LPP: variants seen among roughly 807,000 people sequenced by gnomAD.
The protein encoded by LPP is LIM domain containing preferred translocation partner in lipoma.
LPP carries 38 observed loss-of-function variants against 60.4 expected under a neutral mutation model. The observed-to-expected ratio is 0.63, with a 90% confidence interval of 0.49 to 0.83. LPP has a LOEUF of 0.83. Ranked by LOEUF, LPP falls within the 40% of genes least tolerant of loss-of-function variation. LPP has a pLI of 0.00. For missense variants in LPP, 902 were observed against 783.6 expected (o/e 1.15, Z -1.80); for synonymous variants, 328 against 290.8 (o/e 1.13, Z -1.30).
intron 7 of LPP, among the ~76,000 whole-genome samples, chr3:188,674,350 T>A (rs1052936648): frequency 2.0e-5 from 3 of 152,202 alleles, no homozygotes; most frequent in Admixed American, 6.5e-5. Context: ...TTTTTACCAT[T>A]TTGTGCCTAA....
intron 7 of LPP, among the ~76,000 whole-genome samples, chr3:188,654,576 T>C (rs1852760094): frequency 6.6e-6 from 1 of 152,182 alleles, no homozygotes; most frequent in Non-Finnish European, 1.5e-5. Context: ...ATACTCCACA[T>C]ATCTCCACAA....
intron 8 of LPP, among the ~76,000 whole-genome samples, chr3:188,730,743 G>A (rs1720149576): frequency 6.6e-6 from 1 of 152,202 alleles, no homozygotes; most frequent in Admixed American, 6.5e-5. Flanking sequence ...TGTTCAACAT[G>A]AGTCTCATCT....
At chr3:188,598,933 AC>A (rs1342432320) in intron 6 of LPP, among the ~76,000 whole-genome samples, 1 of 152,020 alleles carries the variant, frequency 6.6e-6, no homozygotes. Flanking sequence ...TTTTCACTAA[AC>A]CCCTGGCCTG....
chr3:188,510,567 C>T (rs2150013315), intron 5 of LPP, among the ~76,000 whole-genome samples: 1 of 152,262 alleles, frequency 6.6e-6, no homozygotes, highest in Non-Finnish European at 1.5e-5. Flanking sequence ...TTACCCCTGC[C>T]CACTCTCTCC....
At chr3:188,377,473 T>C (rs903868189) in intron 3 of LPP, among the ~76,000 whole-genome samples, 1 of 152,232 alleles carries the variant, frequency 6.6e-6, no homozygotes, top group South Asian at 2.1e-4. Flanking sequence ...CCATCACTTA[T>C]ACCCTTTCTT....
chr3:188,273,348 G>A (rs1323880468), intron 2 of LPP, among the ~76,000 whole-genome samples: 2 of 152,184 alleles, frequency 1.3e-5, no homozygotes, highest in Admixed American at 6.5e-5. Flanking sequence ...ATTTGTACGT[G>A]TGTACTTTCA....
intron 6 of LPP, among the ~76,000 whole-genome samples, chr3:188,564,696 C>G (rs561316325): frequency 2.6e-5 from 4 of 151,804 alleles, no homozygotes; most frequent in Non-Finnish European, 5.9e-5. Context: ...GTCCAAAAAC[C>G]CATGTCAGCA....
At chr3:188,337,769 G>C (rs1168997448) in intron 2 of LPP, among the ~76,000 whole-genome samples, 2 of 152,194 alleles carry the variant, frequency 1.3e-5, no homozygotes, top group Admixed American at 6.5e-5. Context: ...CAGAGTGCCG[G>C]GACTACAGGC....
chr3:188,890,257 G>A lies in LPP; in HGVS notation c.*15778G>A. On this transcript the variant is annotated 3_prime_UTR_variant, in exon 12 of 12. Coordinates refer to ENST00000617246, the MANE Select transcript of LPP (RefSeq NM_001375462.1). ...AATAACATTCCCTGACTTAGGGAAA[G>A]GCACACAAAAACATATAAAGAATAT... 1 of 213,378 alleles carries A rather than the reference G, an allele frequency of 4.7e-6. No homozygotes were observed. The highest frequency in any genetic ancestry group is 7.0e-5 in the East Asian group (1 of 14,346). The allele number at this position is 213,378 out of a possible 1,614,324, so 13.2% of individuals were successfully genotyped here. A position where few individuals can be genotyped will look rare whatever the true frequency, so the allele number is the denominator to read the frequency against.
intron 8 of LPP, among the ~76,000 whole-genome samples, chr3:188,726,093 GT>G (rs756058939): frequency 4.6e-5 from 7 of 152,108 alleles, no homozygotes; most frequent in African/African-American, 9.7e-5. Flanking sequence ...TCCATGAAGG[GT>G]TTCAACAAGG....
intron 5 of LPP, among the ~76,000 whole-genome samples, chr3:188,506,061 A>G (rs1426267): frequency 0.5 from 75,285 of 151,864 alleles, 20,778 homozygotes; most frequent in Middle Eastern, 0.66. Flanking sequence ...ATACCTGATG[A>G]ACCCTCATAT....
intron 2 of LPP, among the ~76,000 whole-genome samples, chr3:188,323,161 G>A (rs1757432234): frequency 6.6e-6 from 1 of 152,168 alleles, no homozygotes; most frequent in Non-Finnish European, 1.5e-5. Flanking sequence ...ACAATTAATT[G>A]TTGTTACTAG....
chr3:188,309,664 T>G (rs1293713601), intron 2 of LPP, among the ~76,000 whole-genome samples: 1 of 151,444 alleles, frequency 6.6e-6, no homozygotes, highest in Non-Finnish European at 1.5e-5. Context: ...ATTGTATAAT[T>G]CGATAAAATA....
chr3:188,607,394 TA>T (rs1842664430), intron 6 of LPP, among the ~76,000 whole-genome samples: 4 of 32,080 alleles, frequency 1.2e-4, no homozygotes, highest in African/African-American at 3.7e-4. Context: ...TATATATATA[TA>T]TATATATATA....
chr3:188,453,033 C>T (rs542348152), intron 4 of LPP, among the ~76,000 whole-genome samples: 3 of 152,118 alleles, frequency 2.0e-5, no homozygotes, highest in Non-Finnish European at 4.4e-5. Flanking sequence ...GTTTGAGATG[C>T]CTTCTTAGGT....
Position 188,610,303 on chromosome 3 carries a change from C to G in LPP, c.1113+459C>G, listed in dbSNP as rs559114588. Among the ~76,000 whole-genome samples the G allele has an allele frequency of 7.2e-5, 11 of 152,284 alleles. No homozygotes were observed. Among genetic ancestry groups the G allele is most frequent in the African/African-American group, 2.4e-4 (10 of 41,560 alleles). ...TGGGTGAGACATGTGGAGGGCAAAA[C>G]TGAGTGAACTGCTGTCAGGCTGTGG... is the stretch of plus-strand genomic sequence containing the variant. On this transcript the variant is annotated intron_variant, in intron 7 of 11. Transcript: ENST00000617246. The surrounding 1 kb of genome is among the most constrained non-coding windows in gnomAD (Gnocchi z 4.4).
At chr3:188,240,278 G>A (rs1723652110) in intron 2 of LPP, 1 of 168,888 alleles carries the variant, frequency 5.9e-6, no homozygotes, top group East Asian at 1.2e-4. Context: ...AACATGGGTA[G>A]GAATAGCTTA....
At chr3:188,408,928 C>T (rs981853136) in intron 4 of LPP, among the ~76,000 whole-genome samples, 4 of 152,126 alleles carry the variant, frequency 2.6e-5, no homozygotes, top group African/African-American at 9.7e-5. Context: ...TGATACATCC[C>T]TGCATCCCTT....
rs1313815654 is a variant in LPP at position 188,889,140 on chromosome 3, A to T, written c.*14661A>T. On this transcript the variant is annotated 3_prime_UTR_variant, in exon 12 of 12. Transcript: ENST00000617246. Reference sequence around the variant, plus strand: ...TCTTGGCTGTGGGGATTGGAAGCTCAGGGGGCCAAATGTCCTTGCCAGATC... The same window carrying T: ...TCTTGGCTGTGGGGATTGGAAGCTCTGGGGGCCAAATGTCCTTGCCAGATC... 2.6e-5 allele frequency: 6 copies of T among 227,152 alleles called. No homozygotes were observed. Among genetic ancestry groups the T allele is most frequent in the Non-Finnish European group, 4.4e-5 (5 of 114,238 alleles). The allele number at this position is 227,152 out of a possible 1,614,324, so 14.1% of individuals were successfully genotyped here.
Sources: gnomAD v4.1 joint callset for allele counts (sites outside exome capture counted in the v4.1 genomes callset) on GRCh38, gnomAD v4.1.1 for gene constraint, Gnocchi (gnomAD v3.1) non-coding constraint, MANE v1.5 for transcripts, NCBI Gene and HGNC (gene_info 2026-07-23, HGNC 2026-07-21) for gene names.